TSPAN12: variants seen among roughly 807,000 people sequenced by gnomAD.
The protein encoded by TSPAN12 is tetraspanin 12.
A neutral mutation model predicts 39.2 loss-of-function variants in TSPAN12; 19 were observed. That is an observed-to-expected ratio of 0.49 (90% confidence interval 0.34 to 0.71). The LOEUF is 0.71. Among genes scored for constraint, TSPAN12 ranks in the 30% least tolerant of loss-of-function variants. The pLI is 0.01. For synonymous variants in TSPAN12, 119 were observed against 124.8 expected (o/e 0.95, Z 0.31); for missense variants, 314 against 359.9 (o/e 0.87, Z 1.03).
At chr7:120,843,282 T>A (rs3823859) in intron 2 of TSPAN12, among the ~76,000 whole-genome samples, 1 of 152,050 alleles carries the variant, frequency 6.6e-6, no homozygotes, top group Non-Finnish European at 1.5e-5. Flanking sequence ...GTTCTGCATA[T>A]ATATGCCAGA....
At chr7:120,853,139 C>A (rs1794801373) in intron 2 of TSPAN12, among the ~76,000 whole-genome samples, 1 of 150,186 alleles carries the variant, frequency 6.7e-6, no homozygotes, top group African/African-American at 2.5e-5. Context: ...CTGTCACCAG[C>A]CTGTAGTGCA....
At chr7:120,802,330 G>A (rs539855693) in intron 7 of TSPAN12, among the ~76,000 whole-genome samples, 1 of 152,236 alleles carries the variant, frequency 6.6e-6, no homozygotes, top group Non-Finnish European at 1.5e-5. Context: ...CCAAAACACT[G>A]TTCCCCAGCA....
intron 6 of TSPAN12, among the ~76,000 whole-genome samples, chr7:120,810,016 G>C (rs1469504590): frequency 2.0e-5 from 3 of 152,048 alleles, no homozygotes; most frequent in Admixed American, 2.0e-4. Context: ...TTTTAACCAA[G>C]GTCTTTCTGA....
Position 120,856,849 on chromosome 7 carries a change from G to T in TSPAN12, c.-70-16C>A, listed in dbSNP as rs1794881830. Reference sequence around the variant, plus strand: ...CGGCAGCGATCTGCAGGGGGCGGGGGAGAGAGAACACGGGACATCTCACCA... The same window carrying T: ...CGGCAGCGATCTGCAGGGGGCGGGGTAGAGAGAACACGGGACATCTCACCA... On this transcript the variant is annotated splice_polypyrimidine_tract_variant and intron_variant, in intron 1 of 7. Coordinates refer to ENST00000222747, the MANE Select transcript of TSPAN12 (RefSeq NM_012338.4). 1 of 1,421,194 alleles carries T rather than the reference G, an allele frequency of 7.0e-7. No homozygotes were observed. The highest frequency in any genetic ancestry group is 1.4e-5 in the African/African-American group (1 of 71,060). The allele number at this position is 1,421,194 out of a possible 1,614,324, so 88.0% of individuals were successfully genotyped here.
chr7:120,826,410 T>C (rs1342941756), intron 4 of TSPAN12, among the ~76,000 whole-genome samples: 1 of 152,166 alleles, frequency 6.6e-6, no homozygotes, highest in Non-Finnish European at 1.5e-5. Context: ...CCTGGTAAGC[T>C]AAGTCAGCTA....
At chr7:120,852,254 T>C (rs1794783936) in intron 2 of TSPAN12, among the ~76,000 whole-genome samples, 1 of 152,012 alleles carries the variant, frequency 6.6e-6, no homozygotes, top group Non-Finnish European at 1.5e-5. Flanking sequence ...TAAAAATAGA[T>C]TTAAAAAAAC....
At position 120,805,825 on chromosome 7, in the gene TSPAN12, C is replaced by T. The variant is rs113769032; in HGVS notation, c.612+724G>A. 1.6e-3 allele frequency among the ~76,000 whole-genome samples: 242 copies of T among 152,200 alleles called. 1 individual carries two copies. The highest frequency in any genetic ancestry group is 2.5e-3 in the Non-Finnish European group (169 of 67,988). On this transcript the variant is annotated intron_variant, in intron 7 of 7. Transcript: ENST00000222747. The stretch of plus-strand genomic sequence containing the variant: ...TTTTAATTCAAATGGCCACACGTAG[C>T]TATTTGGCTGCTGTAGAGGACAGTG...
intron 7 of TSPAN12, among the ~76,000 whole-genome samples, chr7:120,794,972 T>C (rs10231429): frequency 0.02 from 3,042 of 152,324 alleles, 105 homozygotes; most frequent in African/African-American, 0.068. Flanking sequence ...CAGTGTAAAC[T>C]TGTCTTGAAA....
At chr7:120,830,793 C>T (rs1794375860) in intron 4 of TSPAN12, among the ~76,000 whole-genome samples, 1 of 151,884 alleles carries the variant, frequency 6.6e-6, no homozygotes, top group African/African-American at 2.4e-5. Context: ...GAAATAGACA[C>T]ATGAGAAAAT....
At chr7:120,816,964 G>C (rs1028270833) in intron 4 of TSPAN12, among the ~76,000 whole-genome samples, 2 of 152,124 alleles carry the variant, frequency 1.3e-5, no homozygotes, top group Non-Finnish European at 2.9e-5. Flanking sequence ...ATTTAGAATG[G>C]AGGAGAATGA....
At chr7:120,796,092 G>T (rs1439021836) in intron 7 of TSPAN12, among the ~76,000 whole-genome samples, 4 of 152,126 alleles carry the variant, frequency 2.6e-5, no homozygotes, top group Admixed American at 2.6e-4. Context: ...TTACAAAGAG[G>T]CTAGAGTCAG....
intron 7 of TSPAN12, among the ~76,000 whole-genome samples, chr7:120,796,972 G>A (rs965771562): frequency 5.9e-5 from 9 of 152,138 alleles, no homozygotes; most frequent in African/African-American, 1.7e-4. Context: ...TGGCTAACAT[G>A]GTGAAACCCC....
intron 2 of TSPAN12, among the ~76,000 whole-genome samples, chr7:120,844,778 T>C (rs1352158776): frequency 6.6e-6 from 1 of 152,180 alleles, no homozygotes; most frequent in Non-Finnish European, 1.5e-5. Flanking sequence ...TCCAGGCACA[T>C]GATGCAAGTC....
chr7:120,857,999 G>GA lies in TSPAN12; in HGVS notation c.-251dup, dbSNP rs561967326. ...CGCCGTCGCCGCCTCCTGGGAAAAAGAAAAAAAAAAAAAAAAGTCCTGGGC... is the reference window on the plus strand; with the variant it reads ...CGCCGTCGCCGCCTCCTGGGAAAAAGAAAAAAAAAAAAAAAAAGTCCTGGGC... On this transcript the variant is annotated 5_prime_UTR_variant, in exon 1 of 8. Coordinates refer to ENST00000222747, the MANE Select transcript of TSPAN12 (RefSeq NM_012338.4). The GA allele has an allele frequency of 0.092, 10,484 of 114,040 alleles. 692 individuals carry two copies. The highest frequency in any genetic ancestry group is 0.36 in the East Asian group (1,530 of 4,308). The allele number at this position is 114,040 out of a possible 1,614,324, so 7.1% of individuals were successfully genotyped here. A position where few individuals can be genotyped will look rare whatever the true frequency, so the allele number is the denominator to read the frequency against.
Position 120,810,311 on chromosome 7 carries a change from T to C in TSPAN12, c.468+152A>G, listed in dbSNP as rs986709113. 10 of 649,940 alleles carry C rather than the reference T, an allele frequency of 1.5e-5. No homozygotes were observed. In the African/African-American group the frequency reaches 1.8e-4, roughly 12 times the overall value. 40.3% of individuals were successfully genotyped at this position (649,940 alleles called of 1,614,324 possible). A position where few individuals can be genotyped will look rare whatever the true frequency, so the allele number is the denominator to read the frequency against. On this transcript the variant is annotated intron_variant, in intron 6 of 7. Coordinates refer to ENST00000222747, the MANE Select transcript of TSPAN12 (RefSeq NM_012338.4). ...AAGCAGGCCATGAAGTTACCTAAGA[T>C]ATTTTTCAAGAAATAATTGCACCAG...
intron 2 of TSPAN12, among the ~76,000 whole-genome samples, chr7:120,845,356 C>T (rs909629539): frequency 3.3e-5 from 5 of 152,354 alleles, no homozygotes; most frequent in African/African-American, 1.2e-4. Context: ...TTTCTGCAGC[C>T]AGTTTGAATT....
At chr7:120,790,212 A>G (rs551589087) in intron 7 of TSPAN12, among the ~76,000 whole-genome samples, 68 of 152,270 alleles carry the variant, frequency 4.5e-4, no homozygotes, top group Non-Finnish European at 8.4e-4. Flanking sequence ...TTGGCCTAAG[A>G]CAACTAACCT....
At chr7:120,826,895 G>A (rs1794298818) in intron 4 of TSPAN12, among the ~76,000 whole-genome samples, 1 of 151,966 alleles carries the variant, frequency 6.6e-6, no homozygotes, top group Non-Finnish European at 1.5e-5. Context: ...GCTAATTTTT[G>A]TATTTTTAGT....
intron 7 of TSPAN12, among the ~76,000 whole-genome samples, chr7:120,801,117 T>C (rs1397811678): frequency 2.0e-5 from 3 of 152,086 alleles, no homozygotes; most frequent in Non-Finnish European, 4.4e-5. Flanking sequence ...TGTCATTAAA[T>C]GATTTTTTTT....
Sources: allele counts gnomAD v4.1 joint callset (sites outside exome capture counted in the v4.1 genomes callset), GRCh38; gene constraint gnomAD v4.1.1; transcripts MANE v1.5; gene names NCBI Gene and HGNC (gene_info 2026-07-23, HGNC 2026-07-21).